The following TFPI variants were observed in gnomAD, a reference collection of about 807,000 sequenced individuals.
TFPI encodes anti-convertin.
Under a neutral mutation model 34.6 loss-of-function variants are expected in TFPI, and 15 were observed. That is an observed-to-expected ratio of 0.43 (90% CI 0.29 to 0.67). The LOEUF (loss-of-function observed/expected upper bound fraction) is 0.67, where lower values mean the gene tolerates loss of function less well. Ranked by LOEUF, TFPI falls within the 30% of genes least tolerant of loss-of-function variation. The probability of loss-of-function intolerance (pLI) is 0.15; values close to 1 mark genes in which losing one functional copy is unlikely to be tolerated. For missense variants in TFPI, 301 were observed against 364.0 expected, an observed-to-expected ratio of 0.83 and a Z score of 1.41; for synonymous variants, 105 against 120.1, an observed-to-expected ratio of 0.87 and a Z score of 0.82.
chr2:187,523,772 T>A (rs1687539880), intron 1 of TFPI, among the ~76,000 whole-genome samples: 1 of 152,230 alleles, frequency 6.6e-6, no homozygotes, highest in Admixed American at 6.5e-5. Flanking sequence ...AAGTTACTGA[T>A]CTTTTTACTG....
intron 1 of TFPI, among the ~76,000 whole-genome samples, chr2:187,538,736 T>TA (rs773771964): frequency 6.6e-5 from 10 of 152,094 alleles, no homozygotes; most frequent in Non-Finnish European, 1.5e-4. Context: ...AAAGTAAAAT[T>TA]AAAAAATTAA....
At chr2:187,503,920 G>C in intron 1 of TFPI, 150 bp from the exon 2 acceptor site, 2 of 745,594 alleles carry the variant, frequency 2.7e-6, no homozygotes, top group Non-Finnish European at 4.1e-6. Context: ...TACTCAATGA[G>C]TCATACTTAA....
intron 1 of TFPI, among the ~76,000 whole-genome samples, chr2:187,531,787 A>G (rs1687970483): frequency 6.6e-6 from 1 of 152,106 alleles, no homozygotes; most frequent in African/African-American, 2.4e-5. Flanking sequence ...ACAGCATTCT[A>G]TTTGATATTA....
chr2:187,546,307 A>C (rs1244594290), intron 1 of TFPI, among the ~76,000 whole-genome samples: 1 of 150,242 alleles, frequency 6.7e-6, no homozygotes, highest in Non-Finnish European at 1.5e-5. Flanking sequence ...TTTCAGAAAA[A>C]GATTACATTG....
chr2:187,532,749 A>T (rs1157139481), intron 1 of TFPI, among the ~76,000 whole-genome samples: 3 of 152,116 alleles, frequency 2.0e-5, no homozygotes, highest in African/African-American at 4.8e-5. Context: ...TCCCCTGGAA[A>T]GGGGGCTTAA....
At chr2:187,512,164 A>G (rs1434502816) in intron 1 of TFPI, among the ~76,000 whole-genome samples, 1 of 152,048 alleles carries the variant, frequency 6.6e-6, no homozygotes, top group Non-Finnish European at 1.5e-5. Context: ...GGATGGCCCA[A>G]ATGCATTCAC....
intron 6 of TFPI, among the ~76,000 whole-genome samples, chr2:187,479,729 A>C (rs1287123453): frequency 2.0e-5 from 3 of 151,476 alleles, no homozygotes; most frequent in South Asian, 2.1e-4. Context: ...CTCTTTAACT[A>C]TCATTAGTGT....
intron 6 of TFPI, 99 bp downstream of exon 6, chr2:187,484,025 A>C: frequency 1.5e-5 from 12 of 811,732 alleles, no homozygotes; most frequent in Middle Eastern, 2.3e-4. Context: ...CAACGCAGGT[A>C]TATATATATA....
chr2:187,500,792 G>A (rs536389443), intron 2 of TFPI, among the ~76,000 whole-genome samples: 5 of 152,294 alleles, frequency 3.3e-5, no homozygotes, highest in East Asian at 1.9e-4. Context: ...CAGGTGTGCT[G>A]TGTGACCCAC....
At chr2:187,467,077 A>T in intron 7 of TFPI, 35 bp from the exon 8 acceptor site, 4 of 1,260,296 alleles carry the variant, frequency 3.2e-6, no homozygotes, top group Non-Finnish European at 4.5e-6. Flanking sequence ...AATGTGTGAT[A>T]AAATAACACA....
At chr2:187,553,509 T>G (rs1355356774) in intron 1 of TFPI, among the ~76,000 whole-genome samples, 1 of 152,206 alleles carries the variant, frequency 6.6e-6, no homozygotes, top group African/African-American at 2.4e-5. Flanking sequence ...GCTTTCATTT[T>G]TCACTAGAAG....
chr2:187,474,983 G>GA (rs1278657617), intron 6 of TFPI, among the ~76,000 whole-genome samples: 5 of 152,166 alleles, frequency 3.3e-5, no homozygotes, highest in Non-Finnish European at 5.9e-5. Context: ...ATTGTTTAAT[G>GA]AATGTAAAAT....
intron 1 of TFPI, among the ~76,000 whole-genome samples, chr2:187,526,323 C>T (rs958832757): frequency 6.6e-6 from 1 of 152,042 alleles, no homozygotes; most frequent in Non-Finnish European, 1.5e-5. Context: ...TGAAGCAGTA[C>T]AGGTCTCAAT....
intron 3 of TFPI, 77 bp from the exon 4 acceptor site, chr2:187,488,452 A>C (rs1693452778): frequency 4.4e-6 from 4 of 916,018 alleles, no homozygotes; most frequent in Admixed American, 2.9e-5. Context: ...TTAACAAACA[A>C]GAGTGACATA....
At chr2:187,520,084 T>A (rs1687276577) in intron 1 of TFPI, among the ~76,000 whole-genome samples, 1 of 152,124 alleles carries the variant, frequency 6.6e-6, no homozygotes, top group South Asian at 2.1e-4. Flanking sequence ...CTTACTGGGC[T>A]CTGTAGGTGG....
chr2:187,506,304 C>T (rs1482281553), intron 1 of TFPI, among the ~76,000 whole-genome samples: 2 of 151,954 alleles, frequency 1.3e-5, no homozygotes, highest in African/African-American at 4.8e-5. Context: ...CTAATAGAAA[C>T]ATCTTCTTTT....
chr2:187,470,004 A>G (rs1008465681), intron 6 of TFPI, among the ~76,000 whole-genome samples: 2 of 152,132 alleles, frequency 1.3e-5, no homozygotes, highest in African/African-American at 4.8e-5. Context: ...TCCAGTTATC[A>G]CCTATGTTCA....
At chr2:187,524,732 AT>A (rs2106227981) in intron 1 of TFPI, among the ~76,000 whole-genome samples, 1 of 152,146 alleles carries the variant, frequency 6.6e-6, no homozygotes, top group African/African-American at 2.4e-5. Context: ...ATTGCTTTTC[AT>A]TTTTTAAAGG....
chr2:187,515,264 C>T (rs1405348024), intron 1 of TFPI: 1 of 152,208 alleles, frequency 6.6e-6, no homozygotes, highest in East Asian at 1.9e-4. Flanking sequence ...TTAATAAATA[C>T]CAAAGGACAT....
Sources: allele counts gnomAD v4.1 joint callset (sites outside exome capture counted in the v4.1 genomes callset), GRCh38; gene constraint gnomAD v4.1.1; transcripts MANE v1.5; gene names NCBI Gene and HGNC (gene_info 2026-07-23, HGNC 2026-07-21).